Variants in XAGE2 observed in about 807,000 individuals in gnomAD.
XAGE2 encodes the protein X antigen family member 2.
A neutral mutation model predicts 9.9 loss-of-function variants in XAGE2; 7 were observed. That is an observed-to-expected ratio of 0.71 (90% CI 0.40 to 1.32). The LOEUF is 1.32. XAGE2 is among the 40% of genes most tolerant of loss of function. The probability of loss-of-function intolerance (pLI) is 0.01; values close to 1 mark genes in which losing one functional copy is unlikely to be tolerated. For missense variants in XAGE2, 85 were observed against 81.0 expected (o/e 1.05, Z -0.19); for synonymous variants, 31 against 26.8 (o/e 1.16, Z -0.48).
At chrX:52,369,882 G>A in intron 1 of XAGE2, 125 bp from the exon 2 acceptor site, 4 of 725,047 alleles carry the variant, frequency 5.5e-6, no homozygotes, top group Admixed American at 2.3e-5. Flanking sequence ...TAGTTGCCCT[G>A]GGACTTACTT....
In XAGE2 at chrX:52,369,163, T is replaced by C. The variant is rs1366569289; in HGVS notation, c.-60T>C. ...CCAGCCGTCTGGACTCTTTCTCTCCTACTGAGACGCAGCCTATAGGTCCGC... is the reference window on the plus strand; with the variant it reads ...CCAGCCGTCTGGACTCTTTCTCTCCCACTGAGACGCAGCCTATAGGTCCGC... On this transcript the variant is annotated 5_prime_UTR_variant, in exon 1 of 5. Transcript: ENST00000286049. The C allele has an allele frequency of 9.1e-6, 1 of 109,708 alleles. No homozygotes were observed. The highest frequency in any genetic ancestry group is 1.9e-5 in the Non-Finnish European group (1 of 52,245). The allele number at this position is 109,708 out of a possible 1,213,427, so 9.0% of individuals were successfully genotyped here. A position where few individuals can be genotyped will look rare whatever the true frequency, so the allele number is the denominator to read the frequency against.
chrX:52,374,832 A>G (rs1049762308), intron 4 of XAGE2, among the ~76,000 whole-genome samples: 5 of 111,747 alleles, frequency 4.5e-5, no homozygotes, highest in Non-Finnish European at 9.4e-5. Flanking sequence ...ATCAATAATG[A>G]TAATGATAGA....
chrX:52,370,703 A>C (rs1921168655), intron 3 of XAGE2, 31 bp downstream of exon 3: 4 of 1,146,569 alleles, frequency 3.5e-6, no homozygotes, highest in Non-Finnish European at 4.8e-6. Flanking sequence ...TAATGCCTAT[A>C]GGGGGAAGGA....
chrX:52,373,641 A>G (rs1480949028), intron 4 of XAGE2, among the ~76,000 whole-genome samples: 1 of 112,143 alleles, frequency 8.9e-6, no homozygotes, highest in Non-Finnish European at 1.9e-5. Flanking sequence ...GCCTTGAGAC[A>G]TCAGATGATA....
At chrX:52,371,363 C>T (rs1166809608) in intron 3 of XAGE2, among the ~76,000 whole-genome samples, 1 of 112,075 alleles carries the variant, frequency 8.9e-6, no homozygotes, top group African/African-American at 3.2e-5. Context: ...GAAAAGGGCT[C>T]AATGAATGAC....
intron 3 of XAGE2, among the ~76,000 whole-genome samples, chrX:52,371,352 G>A (rs1408990733): frequency 4.5e-5 from 5 of 112,090 alleles, no homozygotes; most frequent in East Asian, 2.8e-4. Context: ...TAGCAAATCC[G>A]GAAAAGGGCT....
At position 52,370,334 on chromosome X, in the gene XAGE2, A is replaced by G. The variant is rs1256918967; in HGVS notation, c.82-233A>G. ...ACTGATAACAGATTGCACACATCCAACCCAACATAGATTAAAATGGTTTCC... is the reference window on the plus strand; with the variant it reads ...ACTGATAACAGATTGCACACATCCAGCCCAACATAGATTAAAATGGTTTCC... On this transcript the variant is annotated intron_variant, in intron 2 of 4. Coordinates refer to ENST00000286049, the MANE Select transcript of XAGE2 (RefSeq NM_130777.3). 6.2e-5 allele frequency among the ~76,000 whole-genome samples: 7 copies of G among 112,156 alleles called. No homozygotes were observed. In the East Asian group the frequency reaches 2.0e-3, roughly 31 times the overall value.
At chrX:52,371,924 GTTA>G (rs1257023388) in intron 3 of XAGE2, among the ~76,000 whole-genome samples, 2 of 111,943 alleles carry the variant, frequency 1.8e-5, no homozygotes, top group Non-Finnish European at 3.8e-5. Flanking sequence ...TTATCTTTGA[GTTA>G]TTATTAAAAT....
intron 4 of XAGE2, 50 bp from the exon 5 acceptor site, chrX:52,375,519 C>T: frequency 8.5e-7 from 1 of 1,181,285 alleles, no homozygotes; most frequent in Non-Finnish European, 1.1e-6. Context: ...TTAATGTGAT[C>T]TAAATACAGT....
At chrX:52,369,460 G>C (rs1193685593) in intron 1 of XAGE2, among the ~76,000 whole-genome samples, 1 of 110,639 alleles carries the variant, frequency 9.0e-6, no homozygotes, top group Non-Finnish European at 1.9e-5. Flanking sequence ...CTGTGTAAGC[G>C]GTAAGAAAGG....
At chrX:52,372,141 G>A (rs992114839) in intron 3 of XAGE2, among the ~76,000 whole-genome samples, 19 of 111,224 alleles carry the variant, frequency 1.7e-4, no homozygotes, top group Non-Finnish European at 5.7e-5. Flanking sequence ...CCTTGAGCCT[G>A]AGAGTTAGGA....
At chrX:52,373,518 G>T (rs1921244059) in intron 4 of XAGE2, among the ~76,000 whole-genome samples, 1 of 111,395 alleles carries the variant, frequency 9.0e-6, no homozygotes, top group African/African-American at 3.3e-5. Flanking sequence ...AGATGCCTGT[G>T]CTAAGCATGC....
intron 4 of XAGE2, 138 bp from the exon 5 acceptor site, chrX:52,375,431 G>C: frequency 1.8e-6 from 1 of 563,136 alleles, no homozygotes. Flanking sequence ...CTAATTGAAT[G>C]TAAGCCAGAG....
intron 4 of XAGE2, among the ~76,000 whole-genome samples, chrX:52,374,395 G>C (rs1850821459): frequency 9.0e-6 from 1 of 110,869 alleles, no homozygotes; most frequent in East Asian, 2.9e-4. Flanking sequence ...ACCATGCCTG[G>C]CTATTTTTTG....
chrX:52,370,605 C>T lies in XAGE2; in HGVS notation c.120C>T (p.Pro40=). ...TDEEPKEEKP[P]TKSRNPTPDQ... ...AAGAGCCTAAAGAAGAGAAACCACC[C>T]ACTAAAAGTCGGAATCCTACACCTG... Residue 40 remains proline (P), a synonymous_variant, in exon 3 of 5, where the codon CCC becomes CCT. Coordinates refer to ENST00000286049, the MANE Select transcript of XAGE2 (RefSeq NM_130777.3). 8.3e-7 allele frequency: 1 copy of T among 1,211,462 alleles called. No homozygotes were observed. Among genetic ancestry groups the T allele is most frequent in the South Asian group, 1.8e-5 (1 of 56,948 alleles).
At chrX:52,371,837 C>T (rs904042563) in intron 3 of XAGE2, among the ~76,000 whole-genome samples, 32 of 111,660 alleles carry the variant, frequency 2.9e-4, no homozygotes, top group Non-Finnish European at 4.3e-4. Flanking sequence ...TTCAAATTAC[C>T]TCAGCAAGAT....
intron 2 of XAGE2, 44 bp from the exon 3 acceptor site, chrX:52,370,523 C>T (rs1921162969): frequency 9.0e-7 from 1 of 1,112,169 alleles, no homozygotes; most frequent in Admixed American, 2.2e-5. Flanking sequence ...GTATTACTAA[C>T]AAAACTTTTT....
chrX:52,373,780 A>G (rs1046226701), intron 4 of XAGE2, among the ~76,000 whole-genome samples: 1 of 111,663 alleles, frequency 9.0e-6, no homozygotes, highest in East Asian at 2.8e-4. Flanking sequence ...GAAGAACTCC[A>G]TGTTTAGGGA....
intron 1 of XAGE2, 76 bp from the exon 2 acceptor site, chrX:52,369,931 A>G: frequency 3.9e-6 from 4 of 1,031,513 alleles, no homozygotes; most frequent in Non-Finnish European, 5.4e-6. Flanking sequence ...CTGAAATTTA[A>G]CATTTGGCCA....
Sources: allele counts gnomAD v4.1 joint callset (sites outside exome capture counted in the v4.1 genomes callset), GRCh38; gene constraint gnomAD v4.1.1; transcripts MANE v1.5; gene names NCBI Gene and HGNC (gene_info 2026-07-23, HGNC 2026-07-21).